The following ZDHHC17 variants were observed in gnomAD, a reference collection of about 807,000 sequenced individuals.
The protein encoded by ZDHHC17 is zDHHC palmitoyltransferase 17, also known as palmitoyltransferase ZDHHC17.
ZDHHC17 carries 40 observed loss-of-function variants against 90.3 expected under a neutral mutation model. The ratio of observed to expected loss-of-function variants is 0.44; its 90% CI spans 0.34 to 0.58. The LOEUF (loss-of-function observed/expected upper bound fraction) is 0.58. Among genes scored for constraint, ZDHHC17 ranks in the 20% least tolerant of loss-of-function variants. ZDHHC17 has a pLI of 0.01. For missense variants in ZDHHC17, 614 were observed against 780.8 expected (o/e 0.79, Z 2.55); for synonymous variants, 235 against 252.4 (o/e 0.93, Z 0.65).
chr12:76,785,923 T>C (rs1444175015), intron 1 of ZDHHC17, among the ~76,000 whole-genome samples: 1 of 152,146 alleles, frequency 6.6e-6, no homozygotes, highest in Non-Finnish European at 1.5e-5. Context: ...TCTTTACCCT[T>C]ATATGTATGA....
chr12:76,804,233 T>C (rs1952927576), intron 2 of ZDHHC17, among the ~76,000 whole-genome samples: 1 of 152,206 alleles, frequency 6.6e-6, no homozygotes, highest in Non-Finnish European at 1.5e-5. Context: ...TGTTGTATTA[T>C]CCTTTGTGTG....
At chr12:76,832,334 G>A (rs751252854) in intron 10 of ZDHHC17, among the ~76,000 whole-genome samples, 4 of 152,296 alleles carry the variant, frequency 2.6e-5, no homozygotes, top group South Asian at 4.1e-4. Context: ...CACTTTTCTT[G>A]TGCAACTCAT....
intron 1 of ZDHHC17, among the ~76,000 whole-genome samples, chr12:76,789,166 G>A (rs972109416): frequency 6.6e-6 from 1 of 152,114 alleles, no homozygotes; most frequent in Non-Finnish European, 1.5e-5. Context: ...TTAAGAATCC[G>A]TCTCTAGGAG....
Position 76,826,890 on chromosome 12 carries a change from T to G in ZDHHC17, c.898-18T>G. ...TTGAAACATGCAAAAACTTTTCTAA[T>G]TTTTTGTTTCTATACAGGAATTTCG... is the stretch of plus-strand genomic sequence containing the variant. On this transcript the variant is annotated intron_variant, in intron 8 of 16. Transcript: ENST00000426126. The G allele has an allele frequency of 6.7e-7, 1 of 1,503,222 alleles. No homozygotes were observed. The highest frequency in any genetic ancestry group is 8.8e-7 in the Non-Finnish European group (1 of 1,135,362). 93.1% of individuals were successfully genotyped at this position (1,503,222 alleles called of 1,614,324 possible).
chr12:76,824,445 G>A (rs1002906081), intron 8 of ZDHHC17, among the ~76,000 whole-genome samples: 3 of 152,016 alleles, frequency 2.0e-5, no homozygotes, highest in African/African-American at 7.2e-5. Context: ...GTGAGATTAA[G>A]CATCTGTAAT....
chr12:76,806,588 T>C (rs1447466284), intron 3 of ZDHHC17, among the ~76,000 whole-genome samples: 4 of 152,348 alleles, frequency 2.6e-5, no homozygotes, highest in African/African-American at 9.6e-5. Flanking sequence ...TTCATCAGGC[T>C]GGTCTCGAAC....
chr12:76,850,661 T>G (rs1040054188), intron 16 of ZDHHC17, among the ~76,000 whole-genome samples, 186 bp from the exon 17 acceptor site: 1 of 152,216 alleles, frequency 6.6e-6, no homozygotes, highest in East Asian at 1.9e-4. Context: ...AAATCATTGT[T>G]GGCAGAGCAG....
In ZDHHC17 at chr12:76,809,960, C is replaced by T. The variant is rs1953000185; in HGVS notation, c.543+103C>T. Reference sequence around the variant, plus strand: ...ACAAGCCGTTGATATTTAAATAGCACTTTCTGATGGGTGAAGAACATAAAT... The same window carrying T: ...ACAAGCCGTTGATATTTAAATAGCATTTTCTGATGGGTGAAGAACATAAAT... On this transcript the variant is annotated intron_variant, in intron 5 of 16. Coordinates refer to ENST00000426126, the MANE Select transcript of ZDHHC17 (RefSeq NM_015336.4). 4 of 1,219,436 alleles carry T rather than the reference C, an allele frequency of 3.3e-6. No individual in the cohort carries two copies. In the South Asian group the frequency reaches 5.6e-5, roughly 17 times the overall value. 75.5% of individuals were successfully genotyped at this position (1,219,436 alleles called of 1,614,324 possible). A position where few individuals can be genotyped will look rare whatever the true frequency, so the allele number is the denominator to read the frequency against.
At chr12:76,779,637 C>A (rs1253343621) in intron 1 of ZDHHC17, among the ~76,000 whole-genome samples, 1 of 152,138 alleles carries the variant, frequency 6.6e-6, no homozygotes, top group Admixed American at 6.5e-5. Context: ...CCACATCAGC[C>A]TCATAACAGT....
chr12:76,808,843 C>T (rs1054918273), intron 3 of ZDHHC17, among the ~76,000 whole-genome samples, 200 bp from the exon 4 acceptor site: 3 of 149,188 alleles, frequency 2.0e-5, no homozygotes, highest in Non-Finnish European at 4.5e-5. Context: ...TTTTCTTTTC[C>T]TTATTCTAGA....
chr12:76,815,565 T>C (rs1485864609), intron 6 of ZDHHC17, among the ~76,000 whole-genome samples: 4 of 151,942 alleles, frequency 2.6e-5, no homozygotes, highest in Non-Finnish European at 5.9e-5. Flanking sequence ...AAAAGTGTTA[T>C]TCTTGAATTG....
chr12:76,773,014 G>A (rs371106418), intron 1 of ZDHHC17, among the ~76,000 whole-genome samples: 2 of 151,914 alleles, frequency 1.3e-5, no homozygotes, highest in Non-Finnish European at 2.9e-5. Flanking sequence ...GTGCCACCAC[G>A]CCCTGCTCAT....
intron 10 of ZDHHC17, among the ~76,000 whole-genome samples, chr12:76,835,923 CT>C (rs1555188046): frequency 2.0e-5 from 3 of 150,824 alleles, no homozygotes; most frequent in African/African-American, 7.3e-5. Context: ...TCTACACCCC[CT>C]TTTTTTTAAC....
intron 2 of ZDHHC17, among the ~76,000 whole-genome samples, chr12:76,801,243 G>GTT (rs545164354): frequency 2.7e-5 from 4 of 145,642 alleles, no homozygotes; most frequent in Non-Finnish European, 6.1e-5. Flanking sequence ...CTGCATTACT[G>GTT]TTTTTTTTTT....
chr12:76,790,636 G>C (rs1340249002), intron 1 of ZDHHC17, among the ~76,000 whole-genome samples: 1 of 152,212 alleles, frequency 6.6e-6, no homozygotes, highest in Non-Finnish European at 1.5e-5. Flanking sequence ...AGTGAAAACT[G>C]TTATTTAAGG....
At chr12:76,809,687 T>C (rs993088214) in intron 4 of ZDHHC17, 26 bp from the exon 5 acceptor site, 1 of 1,407,876 alleles carries the variant, frequency 7.1e-7, no homozygotes, top group African/African-American at 1.5e-5. Context: ...TTTATATATC[T>C]AAGTGTTTAT....
chr12:76,777,487 C>A (rs957255336), intron 1 of ZDHHC17, among the ~76,000 whole-genome samples: 2 of 152,150 alleles, frequency 1.3e-5, no homozygotes, highest in Non-Finnish European at 2.9e-5. Context: ...AATTAAACTG[C>A]TTTAAACATT....
In ZDHHC17 at chr12:76,777,316, A is replaced by G. The variant is rs888699180; in HGVS notation, c.93+12987A>G. ...TAACCTTATGGGATTGGCTTTTCTC[A>G]TTCAGCATAATTCTCTGGAGAGTCA... On this transcript the variant is annotated intron_variant, in intron 1 of 16. Transcript: ENST00000426126. 2.0e-5 allele frequency among the ~76,000 whole-genome samples: 3 copies of G among 152,280 alleles called. No individual in the cohort carries two copies. In the South Asian group the frequency reaches 6.2e-4, roughly 32 times the overall value.
In ZDHHC17 at chr12:76,842,921, A is replaced by T; in HGVS notation, c.1269A>T (p.Thr423=). Residue 423 remains threonine (T), a splice_region_variant and synonymous_variant, in exon 12 of 17, where the codon ACA becomes ACT. Coordinates refer to ENST00000426126, the MANE Select transcript of ZDHHC17 (RefSeq NM_015336.4). ...IKATEEQKKK[T]IVELAETGSL... Reference sequence around the variant, plus strand: ...AATATTATTTTTTTAATTCACAGACAATAGTTGAACTTGCAGAGACAGGAA... The same window carrying T: ...AATATTATTTTTTTAATTCACAGACTATAGTTGAACTTGCAGAGACAGGAA... 1 of 1,608,734 alleles carries T rather than the reference A, an allele frequency of 6.2e-7. No individual in the cohort carries two copies. Among genetic ancestry groups the T allele is most frequent in the Non-Finnish European group, 8.5e-7 (1 of 1,176,782 alleles).
Sources: allele counts gnomAD v4.1 joint callset (sites outside exome capture counted in the v4.1 genomes callset), GRCh38; gene constraint gnomAD v4.1.1; transcripts MANE v1.5; gene names NCBI Gene and HGNC (gene_info 2026-07-23, HGNC 2026-07-21).